Variants in XRCC1 observed in about 807,000 individuals in gnomAD.
XRCC1 encodes DNA repair protein XRCC1.
A neutral mutation model predicts 83.3 loss-of-function variants in XRCC1; 52 were observed. The observed-to-expected ratio is 0.62, with a 90% CI of 0.50 to 0.79. The LOEUF (loss-of-function observed/expected upper bound fraction) is 0.79, where lower values mean the gene tolerates loss of function less well. Among genes scored for constraint, XRCC1 ranks in the 30% least tolerant of loss-of-function variants. XRCC1 has a pLI of 0.00. For missense variants in XRCC1, 793 were observed against 823.5 expected (o/e 0.96, Z 0.45); for synonymous variants, 281 against 312.6 (o/e 0.90, Z 1.07).
intron 8 of XRCC1, 80 bp downstream of exon 8, chr19:43,552,717 G>A: frequency 7.4e-7 from 1 of 1,358,462 alleles, no homozygotes; most frequent in Admixed American, 2.5e-5. Flanking sequence ...CTCAGATTCA[G>A]GACAGCAGGC....
chr19:43,551,491 G>T, intron 10 of XRCC1, 80 bp downstream of exon 10: 1 of 1,263,720 alleles, frequency 7.9e-7, no homozygotes. Flanking sequence ...TCCGCTGGCA[G>T]GCCCCAGTCT....
intron 2 of XRCC1, among the ~76,000 whole-genome samples, chr19:43,567,256 T>C (rs3213287): frequency 0.061 from 7,875 of 128,254 alleles, 273 homozygotes; most frequent in Middle Eastern, 0.19. Flanking sequence ...TTGAAGAACA[T>C]TGTCAATATG....
At chr19:43,550,217 G>A (rs1568512827) in intron 10 of XRCC1, among the ~76,000 whole-genome samples, 1 of 152,070 alleles carries the variant, frequency 6.6e-6, no homozygotes, top group African/African-American at 2.4e-5. Flanking sequence ...AGGAGGGCCT[G>A]GGGGAGCACC....
In XRCC1 at chr19:43,553,483, G is replaced by A. The variant is rs749053273; in HGVS notation, c.519C>T (p.Phe173=). 1.2e-5 allele frequency: 20 copies of A among 1,614,160 alleles called. No homozygotes were observed. In the South Asian group the frequency reaches 1.9e-4, roughly 15 times the overall value. Residue 173 remains phenylalanine, a synonymous_variant, in exon 6 of 17, where the codon TTC becomes TTT. Transcript: ENST00000262887. ...CGCTCTCATCCTCCTCCTTCACACG[G>A]AACTGGCCAAGCTTGGTCACTGTCA... ...QKVTVTKLGQ[F]RVKEEDESAN...
chr19:43,545,707 G>T, intron 14 of XRCC1, 111 bp downstream of exon 14: 1 of 1,423,536 alleles, frequency 7.0e-7, no homozygotes, highest in African/African-American at 1.4e-5. Flanking sequence ...AGGAAGGAGA[G>T]GGGAGGCAAG....
chr19:43,570,153 C>T (rs145794121), intron 2 of XRCC1, among the ~76,000 whole-genome samples: 1 of 152,330 alleles, frequency 6.6e-6, no homozygotes, highest in East Asian at 1.9e-4. Context: ...TAAGACACCA[C>T]AGTGGCGAAC....
At chr19:43,572,500 C>G (rs1013268902) in intron 2 of XRCC1, among the ~76,000 whole-genome samples, 1 of 152,202 alleles carries the variant, frequency 6.6e-6, no homozygotes, top group Non-Finnish European at 1.5e-5. Flanking sequence ...CAATCTGTAT[C>G]TATCACAGTT....
At chr19:43,556,916 A>G (rs1972642247) in intron 3 of XRCC1, among the ~76,000 whole-genome samples, 1 of 152,154 alleles carries the variant, frequency 6.6e-6, no homozygotes, top group South Asian at 2.1e-4. Flanking sequence ...GAGGCACAAG[A>G]ATCGCTTGAA....
At chr19:43,543,547 G>A (rs1418192558) in intron 16 of XRCC1, 42 bp from the exon 17 acceptor site, 3 of 1,613,166 alleles carry the variant, frequency 1.9e-6, no homozygotes, top group South Asian at 2.2e-5. Flanking sequence ...GTGTCATCGA[G>A]GGGAGGACGG....
At chr19:43,549,308 G>T (rs963728369) in intron 10 of XRCC1, among the ~76,000 whole-genome samples, 6 of 152,202 alleles carry the variant, frequency 3.9e-5, no homozygotes, top group African/African-American at 1.4e-4. Flanking sequence ...TCCCCAGGCT[G>T]GAGTGCAGTG....
At chr19:43,566,794 A>G (rs910290952) in intron 2 of XRCC1, among the ~76,000 whole-genome samples, 7 of 145,432 alleles carry the variant, frequency 4.8e-5, no homozygotes, top group Non-Finnish European at 9.0e-5. Context: ...CACGAGAATC[A>G]CTTGAACCTG....
At chr19:43,574,839 G>A in intron 2 of XRCC1, 71 bp downstream of exon 2, 8 of 1,288,278 alleles carry the variant, frequency 6.2e-6, no homozygotes, top group Non-Finnish European at 9.0e-6. Flanking sequence ...ACTGCCAGTT[G>A]GCTCAGGAGC....
At position 43,545,834 on chromosome 19, in the gene XRCC1, T is replaced by C. The variant is rs754460470; in HGVS notation, c.1605A>G (p.Pro535=). The C allele has an allele frequency of 7.3e-5, 117 of 1,613,740 alleles. 1 individual carries two copies. Among genetic ancestry groups the C allele is most frequent in the Non-Finnish European group, 9.6e-5 (113 of 1,179,864 alleles). ...SEEHQEPPDL[P]VPELPDFFQG... ...ATTTCCCACCTGGGAGCTCAGGGAC[T>C]GGCAGATCAGGAGGCTCCTGGTGTT... The change falls in exon 14 of 17, where the codon CCA becomes CCG. Residue 535 remains proline (P), a synonymous_variant. Transcript: ENST00000262887.
At chr19:43,557,601 G>A (rs1172879403) in intron 3 of XRCC1, among the ~76,000 whole-genome samples, 3 of 151,710 alleles carry the variant, frequency 2.0e-5, no homozygotes, top group African/African-American at 7.3e-5. Context: ...TTATCATCTG[G>A]TGACTAACAT....
At chr19:43,564,697 A>C (rs1268976084) in intron 2 of XRCC1, among the ~76,000 whole-genome samples, 1 of 152,028 alleles carries the variant, frequency 6.6e-6, no homozygotes, top group African/African-American at 2.4e-5. Context: ...CTGAGGCAGG[A>C]GAATTGCTTA....
intron 10 of XRCC1, among the ~76,000 whole-genome samples, chr19:43,548,781 A>AC (rs1568512447): frequency 2.8e-5 from 4 of 144,960 alleles, no homozygotes; most frequent in Admixed American, 1.4e-4. Context: ...AAAAAAAAAA[A>AC]AAAAACACAA....
intron 2 of XRCC1, among the ~76,000 whole-genome samples, chr19:43,569,400 C>A (rs369547002): frequency 6.7e-6 from 1 of 149,024 alleles, no homozygotes; most frequent in Admixed American, 6.8e-5. Context: ...CGCTTGAGCC[C>A]GGGAGGTCGA....
chr19:43,548,611 A>C (rs1476728141), intron 10 of XRCC1, among the ~76,000 whole-genome samples: 3 of 152,030 alleles, frequency 2.0e-5, no homozygotes, highest in African/African-American at 7.3e-5. Flanking sequence ...CCCTAATCTC[A>C]AGTACCCAGG....
intron 2 of XRCC1, among the ~76,000 whole-genome samples, chr19:43,561,425 T>C (rs3213323): frequency 6.6e-6 from 1 of 152,306 alleles, no homozygotes; most frequent in Non-Finnish European, 1.5e-5. Flanking sequence ...GAAACCTCCC[T>C]GAGGGCAGGG....
Sources: allele counts gnomAD v4.1 joint callset (sites outside exome capture counted in the v4.1 genomes callset), GRCh38; gene constraint gnomAD v4.1.1; transcripts MANE v1.5; gene names NCBI Gene and HGNC (gene_info 2026-07-23, HGNC 2026-07-21).